CDC42BPA: variants seen among roughly 807,000 people sequenced by gnomAD.
CDC42BPA encodes the protein serine/threonine-protein kinase MRCK alpha.
A neutral mutation model predicts 223.5 loss-of-function variants in CDC42BPA; 80 were observed. The observed-to-expected ratio is 0.36, with a 90% confidence interval of 0.30 to 0.43. The LOEUF (loss-of-function observed/expected upper bound fraction) is 0.43. CDC42BPA is among the 20% of genes least tolerant of loss of function. The probability of loss-of-function intolerance (pLI) is 1.00; values close to 1 mark genes in which losing one functional copy is unlikely to be tolerated. For missense variants in CDC42BPA, 1,743 were observed against 2,099.9 expected (o/e 0.83, Z 3.32); for synonymous variants, 694 against 718.6 (o/e 0.97, Z 0.55).
intron 6 of CDC42BPA, among the ~76,000 whole-genome samples, chr1:227,155,428 C>T (rs938257): frequency 0.17 from 25,713 of 152,118 alleles, 2,320 homozygotes; most frequent in Non-Finnish European, 0.19. Context: ...CTTCCTCAGG[C>T]AGCTATCACC....
intron 1 of CDC42BPA, among the ~76,000 whole-genome samples, chr1:227,298,440 T>A (rs956482641): frequency 6.6e-6 from 1 of 152,244 alleles, no homozygotes; most frequent in South Asian, 2.1e-4. Context: ...CAAGCTAGTG[T>A]CATTAGTATG....
intron 2 of CDC42BPA, among the ~76,000 whole-genome samples, chr1:227,232,165 T>C (rs570214808): frequency 1.3e-3 from 197 of 152,350 alleles, no homozygotes; most frequent in Non-Finnish European, 2.5e-3. Context: ...TTGTATAAGA[T>C]GTAAGGAAGG....
At chr1:227,235,615 G>C (rs1001393137) in intron 2 of CDC42BPA, among the ~76,000 whole-genome samples, 1 of 152,116 alleles carries the variant, frequency 6.6e-6, no homozygotes, top group African/African-American at 2.4e-5. Flanking sequence ...CCCTAACAAA[G>C]GAAATAACTC....
chr1:227,200,512 T>C (rs1178753665), intron 3 of CDC42BPA, among the ~76,000 whole-genome samples: 1 of 147,970 alleles, frequency 6.8e-6, no homozygotes, highest in African/African-American at 2.5e-5. Context: ...TATAATTTTA[T>C]CCTTTTGCAA....
chr1:227,059,358 G>C (rs377029730), intron 21 of CDC42BPA: 2 of 1,559,174 alleles, frequency 1.3e-6, no homozygotes, highest in Non-Finnish European at 1.7e-6. Flanking sequence ...TACATAAAGT[G>C]CAAAAGTCTC....
intron 3 of CDC42BPA, among the ~76,000 whole-genome samples, chr1:227,205,279 AAAAAATATAT>A (rs1672478505): frequency 2.0e-5 from 1 of 49,522 alleles, no homozygotes; most frequent in Admixed American, 1.6e-4. Flanking sequence ...AAAAAAAAAA[AAAAAATATAT>A]ATATATATAT....
intron 21 of CDC42BPA, among the ~76,000 whole-genome samples, chr1:227,065,380 T>C (rs1035529334): frequency 2.0e-5 from 3 of 152,168 alleles, no homozygotes; most frequent in Non-Finnish European, 4.4e-5. Context: ...TCCCCCAAGT[T>C]AGAGAAGCAG....
chr1:227,003,210 CAAGT>C (rs540833093), intron 35 of CDC42BPA, among the ~76,000 whole-genome samples: 94 of 152,128 alleles, frequency 6.2e-4, no homozygotes, highest in Non-Finnish European at 1.1e-3. Context: ...TAGAAGGGAA[CAAGT>C]AAGTTTTCTG....
intron 5 of CDC42BPA, among the ~76,000 whole-genome samples, chr1:227,163,744 T>A (rs199828306): frequency 0.033 from 3,167 of 96,408 alleles, 125 homozygotes; most frequent in African/African-American, 0.098. Context: ...AAAAAAAAAA[T>A]ATATATATAT....
intron 1 of CDC42BPA, among the ~76,000 whole-genome samples, chr1:227,282,801 C>A (rs1028564227): frequency 4.6e-5 from 7 of 152,160 alleles, no homozygotes; most frequent in Middle Eastern, 3.4e-3. Context: ...AATTCATAGA[C>A]AAGAAGTAGA....
At chr1:227,185,620 G>A (rs112566151) in intron 5 of CDC42BPA, among the ~76,000 whole-genome samples, 14,789 of 152,140 alleles carry the variant, frequency 0.097, 867 homozygotes, top group Middle Eastern at 0.17. Flanking sequence ...CCTGAAAGTG[G>A]GGTTCTGTCT....
chr1:227,072,380 C>G, intron 19 of CDC42BPA, 81 bp from the exon 20 acceptor site: 1 of 778,724 alleles, frequency 1.3e-6, no homozygotes. Flanking sequence ...GCCAAACTTA[C>G]TTGGTTTAAA....
chr1:227,273,768 G>A (rs4233222), intron 1 of CDC42BPA, among the ~76,000 whole-genome samples: 151,014 of 151,026 alleles, frequency 1, 75,501 homozygotes, highest in Middle Eastern at 1. Context: ...ACAATAGTTC[G>A]TTCTAACTGT....
chr1:227,003,048 T>A (rs1187428037), intron 35 of CDC42BPA, among the ~76,000 whole-genome samples: 1 of 152,176 alleles, frequency 6.6e-6, no homozygotes, highest in Non-Finnish European at 1.5e-5. Context: ...TAATACAGCA[T>A]CATTCATCTT....
At chr1:227,079,461 T>C (rs777348423) in intron 17 of CDC42BPA, among the ~76,000 whole-genome samples, 11 of 152,164 alleles carry the variant, frequency 7.2e-5, no homozygotes, top group Non-Finnish European at 1.5e-4. Flanking sequence ...CTCTGTCTTC[T>C]GAAGTCATTT....
intron 10 of CDC42BPA, among the ~76,000 whole-genome samples, chr1:227,138,160 A>G (rs1658980732): frequency 1.3e-5 from 2 of 152,114 alleles, no homozygotes; most frequent in African/African-American, 4.8e-5. Flanking sequence ...CTGGGCCTCT[A>G]AAAGTATGAC....
chr1:227,191,817 C>T (rs1449897855), intron 5 of CDC42BPA, among the ~76,000 whole-genome samples: 2 of 151,946 alleles, frequency 1.3e-5, no homozygotes, highest in Non-Finnish European at 2.9e-5. Flanking sequence ...GACCACAATA[C>T]CATCTTTAAG....
intron 21 of CDC42BPA, among the ~76,000 whole-genome samples, chr1:227,064,036 T>TA (rs1257586402): frequency 7.2e-5 from 11 of 152,230 alleles, no homozygotes; most frequent in African/African-American, 2.7e-4. Context: ...GTTGTCAGAC[T>TA]ACTTGCTTTT....
At chr1:227,080,619 T>C (rs1453411008) in intron 17 of CDC42BPA, among the ~76,000 whole-genome samples, 1 of 152,134 alleles carries the variant, frequency 6.6e-6, no homozygotes, top group Non-Finnish European at 1.5e-5. Flanking sequence ...CTGAAGGTGG[T>C]AACATTTTCT....
Sources: gnomAD v4.1 joint callset for allele counts (sites outside exome capture counted in the v4.1 genomes callset) on GRCh38, gnomAD v4.1.1 for gene constraint, MANE v1.5 for transcripts, NCBI Gene and HGNC (gene_info 2026-07-23, HGNC 2026-07-21) for gene names.